The following RPS6KC1 variants were observed in gnomAD, a reference collection of about 807,000 sequenced individuals.
RPS6KC1 encodes inactive ribosomal protein S6 kinase delta-1.
Under a neutral mutation model 103.8 loss-of-function variants are expected in RPS6KC1, and 54 were observed. The ratio of observed to expected loss-of-function variants is 0.52; its 90% CI spans 0.42 to 0.65. The LOEUF is 0.65. RPS6KC1 is among the 30% of genes least tolerant of loss of function. The pLI is 0.00. For missense variants in RPS6KC1, 1,151 were observed against 1,253.8 expected, an observed-to-expected ratio of 0.92 and a Z score of 1.24; for synonymous variants, 439 against 438.7, an observed-to-expected ratio of 1.00 and a Z score of -0.01.
At chr1:213,304,035 C>A in the RPS6KC1 span, among the ~76,000 whole-genome samples, 3 of 150,946 alleles carry the variant, frequency 2.0e-5, no homozygotes, top group African/African-American at 7.3e-5. Context: ...GAAACCCCGT[C>A]TCTACTAAAA....
the RPS6KC1 span, among the ~76,000 whole-genome samples, chr1:213,758,326 C>G: frequency 6.6e-6 from 1 of 151,994 alleles, no homozygotes; most frequent in African/African-American, 2.4e-5. Flanking sequence ...ACCTGTAATC[C>G]CAGCACTTTG....
At chr1:213,476,571 G>C in the RPS6KC1 span, among the ~76,000 whole-genome samples, 1 of 152,212 alleles carries the variant, frequency 6.6e-6, no homozygotes, top group Non-Finnish European at 1.5e-5. Context: ...AGCCTGTTCA[G>C]CCGTTTCACC....
the RPS6KC1 span, among the ~76,000 whole-genome samples, chr1:213,643,773 T>C: frequency 6.6e-6 from 1 of 152,022 alleles, no homozygotes; most frequent in Non-Finnish European, 1.5e-5. Flanking sequence ...GCTATAGATT[T>C]CTAGTAGATA....
At chr1:213,694,034 C>A in the RPS6KC1 span, among the ~76,000 whole-genome samples, 14 of 152,328 alleles carry the variant, frequency 9.2e-5, no homozygotes, top group African/African-American at 3.4e-4. Flanking sequence ...CACCCATAAT[C>A]TGATTTTTCC....
chr1:213,141,837 T>C (rs1020756458), intron 6 of RPS6KC1, among the ~76,000 whole-genome samples: 3 of 152,056 alleles, frequency 2.0e-5, no homozygotes, highest in East Asian at 1.9e-4. Context: ...TTTTTTTTCT[T>C]TTTTCATTAG....
chr1:213,145,967 G>GTTTTTTTTTTTTTTTTTTTTTT (rs71573864), intron 6 of RPS6KC1, among the ~76,000 whole-genome samples: 2 of 47,804 alleles, frequency 4.2e-5, no homozygotes, highest in African/African-American at 9.8e-5. Flanking sequence ...CATTCATTCT[G>GTTTTTTTTTTTTTTTTTTTTTT]TTTTTTTTTT....
chr1:213,854,968 G>A, the RPS6KC1 span, among the ~76,000 whole-genome samples: 1 of 152,196 alleles, frequency 6.6e-6, no homozygotes, highest in Non-Finnish European at 1.5e-5. Context: ...TCAAGGTTCT[G>A]GCCTGTTTGG....
At chr1:213,264,305 A>G (rs962750271) in intron 14 of RPS6KC1, among the ~76,000 whole-genome samples, 3 of 152,214 alleles carry the variant, frequency 2.0e-5, no homozygotes, top group Non-Finnish European at 2.9e-5. Context: ...TTAAGAGGTA[A>G]TGAAGAGATA....
chr1:213,300,118 T>C, the RPS6KC1 span, among the ~76,000 whole-genome samples: 7 of 152,356 alleles, frequency 4.6e-5, no homozygotes, highest in African/African-American at 1.7e-4. Flanking sequence ...AAATTCTTTT[T>C]TTCAGATGCT....
chr1:213,696,357 CCAGGCA>C, the RPS6KC1 span, among the ~76,000 whole-genome samples: 1 of 152,000 alleles, frequency 6.6e-6, no homozygotes, highest in Non-Finnish European at 1.5e-5. Flanking sequence ...AAAAAATTAG[CCAGGCA>C]TGGTGGCACG....
At chr1:213,835,986 A>T in the RPS6KC1 span, 5 of 151,858 alleles carry the variant, frequency 3.3e-5, no homozygotes, top group African/African-American at 1.2e-4. Flanking sequence ...TTTGATTGGG[A>T]TTGCATTATA....
At chr1:213,574,545 A>G in the RPS6KC1 span, among the ~76,000 whole-genome samples, 78 of 152,298 alleles carry the variant, frequency 5.1e-4, no homozygotes, top group African/African-American at 1.8e-3. Context: ...TAAGCTTGCA[A>G]TCTAATAAGG....
chr1:213,502,979 C>A, the RPS6KC1 span, among the ~76,000 whole-genome samples: 1 of 151,986 alleles, frequency 6.6e-6, no homozygotes, highest in African/African-American at 2.4e-5. Flanking sequence ...AGGCTTAATT[C>A]TATTCCCGTA....
intron 8 of RPS6KC1, among the ~76,000 whole-genome samples, chr1:213,222,412 T>G (rs550792120): frequency 1.3e-5 from 2 of 152,364 alleles, no homozygotes; most frequent in South Asian, 2.1e-4. Flanking sequence ...GGAAAACTTA[T>G]GAAACCAAGG....
In RPS6KC1 at chr1:213,258,477, C is replaced by T. The variant is rs1363481161; in HGVS notation, c.2912-3081C>T. Among the ~76,000 whole-genome samples, 6 of 152,282 alleles carry T rather than the reference C, an allele frequency of 3.9e-5. No homozygotes were observed. The East Asian group carries it at 1.2e-3, about 29-fold the overall frequency. On this transcript the variant is annotated intron_variant, in intron 12 of 14. Coordinates refer to ENST00000366960, the MANE Select transcript of RPS6KC1 (RefSeq NM_012424.6). ...CTAGGGGAAAAACTGATTTTAGCTT[C>T]ACATAATTTAACAGTGTGGCCAAAG...
the RPS6KC1 span, among the ~76,000 whole-genome samples, chr1:213,433,127 C>T: frequency 6.6e-6 from 1 of 152,296 alleles, no homozygotes; most frequent in Admixed American, 6.5e-5. Context: ...AGTCTGTTTC[C>T]TGGCCTTTTC....
the RPS6KC1 span, among the ~76,000 whole-genome samples, chr1:213,662,520 C>T: frequency 6.6e-6 from 1 of 150,762 alleles, no homozygotes; most frequent in Non-Finnish European, 1.5e-5. Context: ...TCAAGTGATC[C>T]ACTCGTCTCA....
chr1:213,809,410 A>G, the RPS6KC1 span, among the ~76,000 whole-genome samples: 1 of 152,146 alleles, frequency 6.6e-6, no homozygotes, highest in Non-Finnish European at 1.5e-5. Context: ...AGGTTTTGTG[A>G]GAATTACCAA....
chr1:213,495,471 G>GTA, the RPS6KC1 span, among the ~76,000 whole-genome samples: 1 of 152,128 alleles, frequency 6.6e-6, no homozygotes, highest in African/African-American at 2.4e-5. Flanking sequence ...ACAGGTGCAT[G>GTA]CCACCATGGC....
Sources: gnomAD v4.1 joint callset for allele counts (sites outside exome capture counted in the v4.1 genomes callset) on GRCh38, gnomAD v4.1.1 for gene constraint, MANE v1.5 for transcripts, NCBI Gene and HGNC (gene_info 2026-07-23, HGNC 2026-07-21) for gene names.